The following NELL2 variants were observed in gnomAD, a reference collection of about 807,000 sequenced individuals.
The protein encoded by NELL2 is neural EGFL like 2, also known as protein kinase C-binding protein NELL2.
A neutral mutation model predicts 109.6 loss-of-function variants in NELL2; 41 were observed. That is an observed-to-expected ratio of 0.37 (90% CI 0.29 to 0.49). The LOEUF is 0.49. NELL2 is among the 20% of genes least tolerant of loss of function. NELL2 has a pLI of 0.98. For missense variants in NELL2, 900 were observed against 1,008.3 expected (o/e 0.89, Z 1.45); for synonymous variants, 355 against 344.7 (o/e 1.03, Z -0.33).
intron 15 of NELL2, among the ~76,000 whole-genome samples, chr12:44,547,561 T>C: frequency 6.6e-6 from 1 of 152,226 alleles, no homozygotes; most frequent in Non-Finnish European, 1.5e-5. Flanking sequence ...TGAATATGCT[T>C]TTCCATTTTA....
chr12:44,556,198 C>T (rs778749078), intron 15 of NELL2, among the ~76,000 whole-genome samples: 9 of 152,156 alleles, frequency 5.9e-5, no homozygotes, highest in Non-Finnish European at 1.2e-4. Flanking sequence ...AAATCCAATC[C>T]ATTCAGACAA....
chr12:44,904,891 G>C lies in NELL2; in HGVS notation c.38+8908C>G, dbSNP rs140101782. The stretch of plus-strand genomic sequence containing the variant: ...TTAATCATTACATTTTGAAAAAAAA[G>C]TGGCCTGATGGTTCATTAGGGATTT... On this transcript the variant is annotated intron_variant, in intron 1 of 20. Coordinates refer to the NELL2 transcript ENST00000333837. Among the ~76,000 whole-genome samples the C allele has an allele frequency of 1.7e-3, 258 of 152,180 alleles. 1 individual carries two copies. Among genetic ancestry groups the C allele is most frequent in the African/African-American group, 5.8e-3 (239 of 41,550 alleles).
rs549118987 is a variant in NELL2 at position 44,580,574 on chromosome 12, GT to G, written c.1663+26594del. Among the ~76,000 whole-genome samples, 5 of 152,072 alleles carry G rather than the reference GT, an allele frequency of 3.3e-5. 1 individual carries two copies. The highest frequency in any genetic ancestry group is 2.1e-4 in the South Asian group (1 of 4,820). On this transcript the variant is annotated intron_variant, in intron 15 of 19. Transcript: ENST00000429094. ...TCTAATAAAAATACAAAAAATTAGT[GT>G]GGTGGTGGGCACCTGTAATCCCAGC...
At chr12:44,820,589 A>C (rs1255973313) in intron 2 of NELL2, among the ~76,000 whole-genome samples, 1 of 145,504 alleles carries the variant, frequency 6.9e-6, no homozygotes, top group African/African-American at 2.6e-5. Context: ...AGCCTGGGTG[A>C]CAGAGCAAGA....
intron 1 of NELL2, among the ~76,000 whole-genome samples, chr12:44,889,973 G>A (rs1489300629): frequency 2.6e-5 from 4 of 152,254 alleles, no homozygotes; most frequent in South Asian, 4.1e-4. Context: ...ATCTTAGGCC[G>A]GGTTTCCCAA....
Position 44,544,359 on chromosome 12 carries a change from C to T in NELL2, c.1664-11638G>A, listed in dbSNP as rs1240234845. The stretch of plus-strand genomic sequence containing the variant: ...GAAATAATTAAGTTATTTATCCTAG[C>T]AGCTTATCTCAACTAAGGTTTCAGA... On this transcript the variant is annotated intron_variant, in intron 15 of 19. Coordinates refer to ENST00000429094, the MANE Select transcript of NELL2 (RefSeq NM_001145108.2). Among the ~76,000 whole-genome samples, 6 of 152,250 alleles carry T rather than the reference C, an allele frequency of 3.9e-5. No individual in the cohort carries two copies. In the South Asian group the frequency reaches 1.2e-3, roughly 32 times the overall value.
At chr12:44,635,334 GT>G (rs1232570074) in intron 13 of NELL2, among the ~76,000 whole-genome samples, 1 of 152,146 alleles carries the variant, frequency 6.6e-6, no homozygotes, top group East Asian at 1.9e-4. Context: ...TGCTTTTGGT[GT>G]TTTAGTCATG....
At chr12:44,545,782 G>C (rs1201472682) in intron 15 of NELL2, among the ~76,000 whole-genome samples, 1 of 152,176 alleles carries the variant, frequency 6.6e-6, no homozygotes, top group Non-Finnish European at 1.5e-5. Flanking sequence ...AGAGAATATG[G>C]ATGTGAAGCA....
At chr12:44,577,138 T>G (rs1944122996) in intron 15 of NELL2, among the ~76,000 whole-genome samples, 2 of 114,068 alleles carry the variant, frequency 1.8e-5, no homozygotes, top group Non-Finnish European at 3.5e-5. Context: ...TCCACAATGG[T>G]TGAACTAGTT....
intron 9 of NELL2, among the ~76,000 whole-genome samples, chr12:44,769,422 T>C (rs9971768): frequency 0.22 from 33,838 of 152,046 alleles, 3,973 homozygotes; most frequent in South Asian, 0.27. Context: ...ACCAACATCA[T>C]TTATCAGAAT....
upstream of NELL2, among the ~76,000 whole-genome samples, chr12:44,917,974 A>C (rs1433075820): frequency 6.6e-6 from 1 of 152,218 alleles, no homozygotes; most frequent in Non-Finnish European, 1.5e-5. Flanking sequence ...GCAGTAAAAA[A>C]CTAATACTGT....
At chr12:44,531,268 T>C (rs1252070389) in intron 16 of NELL2, among the ~76,000 whole-genome samples, 2 of 152,240 alleles carry the variant, frequency 1.3e-5, no homozygotes, top group East Asian at 3.8e-4. Context: ...CTTATATTCA[T>C]TCTTTATGTG....
At chr12:44,579,403 C>T (rs955220008) in intron 15 of NELL2, among the ~76,000 whole-genome samples, 2 of 152,166 alleles carry the variant, frequency 1.3e-5, no homozygotes, top group Non-Finnish European at 2.9e-5. Flanking sequence ...TGCCAACAGG[C>T]ATATAGATAA....
Position 44,730,386 on chromosome 12 carries a change from A to G in NELL2, c.995-15645T>C, listed in dbSNP as rs113079623. On this transcript the variant is annotated intron_variant, in intron 9 of 19. Transcript: ENST00000429094. ...CATTCTCCAGGATAGACCACGTTAT[A>G]CTATAAAACAAGTCTTAACAAATTT... 7.9e-4 allele frequency among the ~76,000 whole-genome samples: 120 copies of G among 152,314 alleles called. 1 individual carries two copies. Among genetic ancestry groups the G allele is most frequent in the Admixed American group, 3.7e-3 (57 of 15,296 alleles).
intron 2 of NELL2, among the ~76,000 whole-genome samples, chr12:44,841,153 T>C (rs1257362669): frequency 6.6e-6 from 1 of 152,194 alleles, no homozygotes; most frequent in East Asian, 1.9e-4. Context: ...GTACAATAGA[T>C]AGAAAAGAAC....
At position 44,554,308 on chromosome 12, in the gene NELL2, T is replaced by C. The variant is rs114392523; in HGVS notation, c.1664-21587A>G. Among the ~76,000 whole-genome samples, 700 of 152,220 alleles carry C rather than the reference T, an allele frequency of 4.6e-3. 6 individuals carry two copies. The highest frequency in any genetic ancestry group is 0.016 in the African/African-American group (658 of 41,538). On this transcript the variant is annotated intron_variant, in intron 15 of 19. Transcript: ENST00000429094. The stretch of plus-strand genomic sequence containing the variant: ...CAGCCTGGATAACTGTCAACTAATA[T>C]TAGAGATCATGGTGAGAATAAATCA...
At chr12:44,657,483 C>A (rs1327469707) in intron 13 of NELL2, among the ~76,000 whole-genome samples, 1 of 151,916 alleles carries the variant, frequency 6.6e-6, no homozygotes, top group Non-Finnish European at 1.5e-5. Context: ...ATTTGAAATT[C>A]TTTTTTTTAA....
intron 15 of NELL2, among the ~76,000 whole-genome samples, chr12:44,568,872 C>G (rs1039033606): frequency 6.6e-6 from 1 of 151,874 alleles, no homozygotes; most frequent in African/African-American, 2.4e-5. Context: ...TGATGAACTA[C>G]TTTCTTTTTT....
chr12:44,622,884 G>A (rs1198133817), intron 13 of NELL2, among the ~76,000 whole-genome samples: 1 of 152,086 alleles, frequency 6.6e-6, no homozygotes, highest in Non-Finnish European at 1.5e-5. Context: ...CAAGATAAAA[G>A]ATAATTTCCT....
Sources: allele counts gnomAD v4.1 joint callset (sites outside exome capture counted in the v4.1 genomes callset), GRCh38; gene constraint gnomAD v4.1.1; transcripts MANE v1.5; gene names NCBI Gene and HGNC (gene_info 2026-07-23, HGNC 2026-07-21).